RAB44: variants seen among roughly 807,000 people sequenced by gnomAD.
RAB44 encodes the protein ras-related protein Rab-44.
Under a neutral mutation model 93.3 loss-of-function variants are expected in RAB44, and 67 were observed. The observed-to-expected ratio is 0.72, with a 90% CI of 0.59 to 0.88. RAB44 has a LOEUF of 0.88. Among genes scored for constraint, RAB44 ranks in the 40% least tolerant of loss-of-function variants. The probability of loss-of-function intolerance (pLI) is 0.00; values close to 1 mark genes in which losing one functional copy is unlikely to be tolerated. For synonymous variants in RAB44, 427 were observed against 520.3 expected (o/e 0.82, Z 2.44); for missense variants, 1,064 against 1,261.7 (o/e 0.84, Z 2.37).
rs1658263535 is a variant in RAB44, at chr6:36,731,554, C to T, written c.2976-449C>T. 6.6e-6 allele frequency among the ~76,000 whole-genome samples: 1 copy of T among 152,140 alleles called. No homozygotes were observed. The highest frequency in any genetic ancestry group is 2.1e-4 in the South Asian group (1 of 4,832). On this transcript the variant is annotated intron_variant, in intron 13 of 13. Transcript: ENST00000612677. The surrounding 1 kb of genome is among the most constrained non-coding windows in gnomAD (Gnocchi z 4.0). ...TTCCCCAGCCTCCAAGCTCTCTCGGCACTGAGCCGCGCCATGGCCCTCTGC... is the reference window on the plus strand; with the variant it reads ...TTCCCCAGCCTCCAAGCTCTCTCGGTACTGAGCCGCGCCATGGCCCTCTGC...
rs531115543 is a variant in RAB44 at position 36,723,766 on chromosome 6, C to T, written c.2599+1033C>T. The stretch of plus-strand genomic sequence containing the variant: ...AGGAGAATGACGTGAACCCAGGAGG[C>T]GGTGCTTGCAGTGAGTCGAGATCGC... On this transcript the variant is annotated intron_variant, in intron 9 of 13. Transcript: ENST00000612677. Among the ~76,000 whole-genome samples, 19 of 140,542 alleles carry T rather than the reference C, an allele frequency of 1.4e-4. No homozygotes were observed. In the East Asian group the frequency reaches 3.1e-3, roughly 23 times the overall value. 92.2% of individuals were successfully genotyped at this position (140,542 alleles called of 152,430 possible). A position where few individuals can be genotyped will look rare whatever the true frequency, so the allele number is the denominator to read the frequency against.
rs571670461 is a variant in RAB44 at position 36,721,225 on chromosome 6, T to G, written c.1091T>G (p.Phe364Cys). The G allele has an allele frequency of 8.2e-7, 1 of 1,217,970 alleles. No homozygotes were observed. Among genetic ancestry groups the G allele is most frequent in the Middle Eastern group, 2.1e-4 (1 of 4,808 alleles). 75.4% of individuals were successfully genotyped at this position (1,217,970 alleles called of 1,614,324 possible). ...SPEEAPLPGL[F>C]GDNDDWDQLL... The stretch of plus-strand genomic sequence containing the variant: ...GAGGAGGCCCCCCTGCCTGGGCTAT[T>G]TGGGGACAACGATGACTGGGACCAG... Residue 364 changes from phenylalanine to cysteine, a missense_variant, in exon 9 of 14, where the codon TTT becomes TGT. Physicochemically the swap from Phe to Cys is radical, Grantham distance 205. Coordinates refer to ENST00000612677, the MANE Select transcript of RAB44 (RefSeq NM_001257357.2).
rs1388501404 is a variant in RAB44, at chr6:36,727,652, G to A, written c.2757G>A (p.Glu919=). 6.4e-7 allele frequency: 1 copy of A among 1,550,500 alleles called. No homozygotes were observed. Among genetic ancestry groups the A allele is most frequent in the East Asian group, 2.4e-5 (1 of 40,936 alleles). ...VVLMYDITSQ[E]SFAHVRYWLD... ...TCATGTACGACATCACCTCCCAGGA[G>A]AGCTTTGCCCACGTGCGCTACTGGC... The change falls in exon 11 of 14, where the codon GAG becomes GAA. Residue 919 remains glutamate (E), a synonymous_variant. Transcript: ENST00000612677.
At chr6:36,705,708 A>G (rs562420419) in intron 2 of RAB44, among the ~76,000 whole-genome samples, 125 of 152,220 alleles carry the variant, frequency 8.2e-4, no homozygotes, top group African/African-American at 2.9e-3. Flanking sequence ...GATCATAGAT[A>G]ATCTCCAAAA....
At chr6:36,720,061 C>T (rs770148403) in intron 7 of RAB44, among the ~76,000 whole-genome samples, 1 of 152,168 alleles carries the variant, frequency 6.6e-6, no homozygotes, top group Non-Finnish European at 1.5e-5. Flanking sequence ...CACTGTAGGG[C>T]GCTGAGTAGA....
intron 9 of RAB44, among the ~76,000 whole-genome samples, chr6:36,725,033 G>A (rs184818015): frequency 4.4e-4 from 67 of 152,314 alleles, no homozygotes; most frequent in Non-Finnish European, 7.4e-4. Flanking sequence ...GGAAAGCAGA[G>A]AATTGAAGAC....
intron 2 of RAB44, among the ~76,000 whole-genome samples, chr6:36,711,522 A>C (rs1762786656): frequency 6.6e-6 from 1 of 152,242 alleles, no homozygotes; most frequent in African/African-American, 2.4e-5. Context: ...CTGGCTCCTG[A>C]AAAATTTTCT....
At chr6:36,727,964 C>T (rs1468070513) in intron 11 of RAB44, among the ~76,000 whole-genome samples, 1 of 152,204 alleles carries the variant, frequency 6.6e-6, no homozygotes, top group Non-Finnish European at 1.5e-5. Context: ...CTTCTTCTTA[C>T]ACTTGAGGCT....
rs949060423 is a variant in RAB44, at chr6:36,728,763, C to T, written c.2860C>T (p.Arg954Trp). ...AAACAAGATGGACTGTGAGGAGGAA[C>T]GGCAAGTGTCCGTGGAAGCTGGGCA... ...LGNKMDCEEE[R>W]QVSVEAGQQL... is the part of the protein sequence containing the mutation. Residue 954 changes from arginine (R) to tryptophan (W), a missense_variant, in exon 12 of 14, where the codon CGG becomes TGG. Coordinates refer to ENST00000612677, the MANE Select transcript of RAB44 (RefSeq NM_001257357.2). The T allele has an allele frequency of 2.1e-5, 33 of 1,550,480 alleles. 1 individual carries two copies. The highest frequency in any genetic ancestry group is 1.1e-4 in the South Asian group (9 of 84,060).
At chr6:36,726,046 C>A in intron 10 of RAB44, 103 bp downstream of exon 10, 10 of 871,528 alleles carry the variant, frequency 1.1e-5, no homozygotes, top group Non-Finnish European at 1.7e-5. Context: ...GCAACTGCCC[C>A]CCAAGGATTC....
At chr6:36,716,223 A>G (rs1762917237) in intron 4 of RAB44, among the ~76,000 whole-genome samples, 1 of 151,636 alleles carries the variant, frequency 6.6e-6, no homozygotes, top group African/African-American at 2.4e-5. Flanking sequence ...TAATCCCAGC[A>G]CTTTGGGAGG....
Position 36,721,325 on chromosome 6 carries a change from C to T in RAB44, c.1191C>T (p.Ala397=). ...GGAGCCCGCCCCCGACCCCAAGAGC[C>T]ACCTCAGGCCCCCAGACACCCCGTG... ...LCWSPPPTPR[A]TSGPQTPRVV... is the part of the protein sequence containing the mutation. The change falls in exon 9 of 14, where the codon GCC becomes GCT. Residue 397 remains alanine, a synonymous_variant. Transcript: ENST00000612677. 8.1e-7 allele frequency: 1 copy of T among 1,233,720 alleles called. No individual in the cohort carries two copies. The highest frequency in any genetic ancestry group is 3.2e-5 in the East Asian group (1 of 31,668). The allele number at this position is 1,233,720 out of a possible 1,614,324, so 76.4% of individuals were successfully genotyped here.
intron 3 of RAB44, 88 bp from the exon 4 acceptor site, chr6:36,715,391 C>T (rs950961763): frequency 1.5e-5 from 18 of 1,215,002 alleles, no homozygotes; most frequent in Admixed American, 4.6e-5. Flanking sequence ...AGAATTACTT[C>T]CCTGAGGGCT....
At chr6:36,713,181 T>G (rs59035912) in intron 2 of RAB44, among the ~76,000 whole-genome samples, 81 of 152,360 alleles carry the variant, frequency 5.3e-4, no homozygotes, top group African/African-American at 1.6e-3. Flanking sequence ...ATAGGAGATT[T>G]AACTCATTGA....
chr6:36,703,178 A>T (rs1391296609), intron 1 of RAB44, among the ~76,000 whole-genome samples: 1 of 152,180 alleles, frequency 6.6e-6, no homozygotes, highest in Non-Finnish European at 1.5e-5. Context: ...AGGGAGCACG[A>T]GGGTCTGAGT....
intron 8 of RAB44, among the ~76,000 whole-genome samples, chr6:36,720,858 T>A (rs1763057023): frequency 6.6e-6 from 1 of 152,148 alleles, no homozygotes; most frequent in Admixed American, 6.5e-5. Context: ...CAGTGCTAGA[T>A]CCCTAGCAGG....
chr6:36,698,973 T>C (rs2395658), intron 1 of RAB44, among the ~76,000 whole-genome samples: 6 of 151,498 alleles, frequency 4.0e-5, no homozygotes, highest in African/African-American at 1.5e-4. Flanking sequence ...TGTTTTTAGG[T>C]TGTGCTGTCA....
chr6:36,705,766 A>G (rs545009210), intron 2 of RAB44, among the ~76,000 whole-genome samples: 15 of 152,298 alleles, frequency 9.8e-5, no homozygotes, highest in Admixed American at 4.6e-4. Flanking sequence ...GCTTATTTCC[A>G]TAGGAGCAAC....
intron 2 of RAB44, among the ~76,000 whole-genome samples, chr6:36,711,902 CAA>C (rs745886701): frequency 1.1e-4 from 10 of 94,040 alleles, no homozygotes; most frequent in South Asian, 3.2e-4. Flanking sequence ...GACTCCATCT[CAA>C]AAAAAAAAAA....
Sources: allele counts gnomAD v4.1 joint callset (sites outside exome capture counted in the v4.1 genomes callset), GRCh38; gene constraint gnomAD v4.1.1; non-coding constraint Gnocchi (gnomAD v3.1); transcripts MANE v1.5; gene names NCBI Gene and HGNC (gene_info 2026-07-23, HGNC 2026-07-21).